DNAH7: variants seen among roughly 807,000 people sequenced by gnomAD.
The protein encoded by DNAH7 is dynein axonemal heavy chain 7.
DNAH7 carries 397 observed loss-of-function variants against 444.6 expected under a neutral mutation model. That is an observed-to-expected ratio of 0.89 (90% CI 0.82 to 0.97). The LOEUF (loss-of-function observed/expected upper bound fraction) is 0.97, where lower values mean the gene tolerates loss of function less well. Ranked by LOEUF, DNAH7 falls within the 50% of genes least tolerant of loss-of-function variation. The pLI is 0.00. For synonymous variants in DNAH7, 1,636 were observed against 1,624.4 expected, an observed-to-expected ratio of 1.01 and a Z score of -0.17; for missense variants, 4,902 against 4,800.8, an observed-to-expected ratio of 1.02 and a Z score of -0.62.
intron 58 of DNAH7, among the ~76,000 whole-genome samples, chr2:195,786,050 T>TA (rs1238231778): frequency 6.6e-6 from 1 of 152,168 alleles, no homozygotes; most frequent in Non-Finnish European, 1.5e-5. Context: ...TTCTATAGAA[T>TA]AAGAATTTGT....
In DNAH7 at chr2:196,025,075, C is replaced by A. The variant is rs147301267; in HGVS notation, c.668-571G>T. The stretch of plus-strand genomic sequence containing the variant: ...AAATCTGGAGATGATTTAAAGTATA[C>A]GGGAGGATGTACATAGGTTATATGC... On this transcript the variant is annotated intron_variant, in intron 7 of 64. Transcript: ENST00000312428. Among the ~76,000 whole-genome samples the A allele has an allele frequency of 1.1e-3, 164 of 152,174 alleles. 1 individual carries two copies. The highest frequency in any genetic ancestry group is 3.8e-3 in the African/African-American group (158 of 41,518).
intron 40 of DNAH7, among the ~76,000 whole-genome samples, chr2:195,867,036 G>A (rs753430307): frequency 1.3e-5 from 2 of 152,036 alleles, no homozygotes; most frequent in Admixed American, 6.6e-5. Context: ...ATGTGGAACT[G>A]TAAGTCCAAT....
At chr2:196,023,220 C>T (rs1354924591) in intron 8 of DNAH7, among the ~76,000 whole-genome samples, 1 of 152,068 alleles carries the variant, frequency 6.6e-6, no homozygotes, top group Non-Finnish European at 1.5e-5. Flanking sequence ...CACTCTTCAT[C>T]CTGCTCTCTC....
chr2:195,889,145 G>A (rs949819020), intron 31 of DNAH7, among the ~76,000 whole-genome samples, 164 bp from the exon 32 acceptor site: 12 of 152,072 alleles, frequency 7.9e-5, no homozygotes, highest in Non-Finnish European at 7.4e-5. Context: ...GTGTGTGTGT[G>A]CACAGATGTA....
At chr2:195,945,959 G>A (rs569293942) in intron 19 of DNAH7, among the ~76,000 whole-genome samples, 2 of 152,120 alleles carry the variant, frequency 1.3e-5, no homozygotes, top group Admixed American at 6.6e-5. Context: ...TCTCAAGAAG[G>A]GGGGCCCAAG....
At position 196,012,904 on chromosome 2, in the gene DNAH7, T is replaced by C; in HGVS notation, c.872A>G (p.Lys291Arg). 1 of 1,482,184 alleles carries C rather than the reference T, an allele frequency of 6.7e-7. No homozygotes were observed. The highest frequency in any genetic ancestry group is 1.5e-5 in the South Asian group (1 of 68,692). 91.8% of individuals were successfully genotyped at this position (1,482,184 alleles called of 1,614,324 possible). A position where few individuals can be genotyped will look rare whatever the true frequency, so the allele number is the denominator to read the frequency against. Residue 291 changes from lysine (K) to arginine (R), a missense_variant and splice_region_variant, in exon 10 of 65, where the codon AAA becomes AGA. By Grantham distance (26) the Lys-to-Arg change is conservative. Coordinates refer to ENST00000312428, the MANE Select transcript of DNAH7 (RefSeq NM_018897.3). Reference sequence around the variant, plus strand: ...TTCTTTGATATCAACTAAACGTAATTTTCTGCAAAAGATAAAAATAAACAG... The same window carrying C: ...TTCTTTGATATCAACTAAACGTAATCTTCTGCAAAAGATAAAAATAAACAG... ...VLDLWHTNFK[K>R]LRLVDIKEFH... is the part of the protein sequence containing the mutation.
At chr2:196,055,756 G>T (rs986018830) in intron 2 of DNAH7, among the ~76,000 whole-genome samples, 1 of 152,134 alleles carries the variant, frequency 6.6e-6, no homozygotes, top group African/African-American at 2.4e-5. Flanking sequence ...GAGGTAATTC[G>T]AATGACATCT....
chr2:195,824,212 A>G lies in DNAH7; in HGVS notation c.9291+43T>C, dbSNP rs184648256. The G allele has an allele frequency of 1.1e-4, 162 of 1,539,520 alleles. No homozygotes were observed. In the African/African-American group the frequency reaches 2.1e-3, roughly 20 times the overall value. ...GACTCAGGAGGAATATATAGTCACT[A>G]ATTACAAAATCTGATAAAGAAACAT... On this transcript the variant is annotated intron_variant, in intron 49 of 64. Transcript: ENST00000312428.
chr2:195,936,663 TG>T lies in DNAH7; in HGVS notation c.3207del (p.Arg1070AspfsTer27), dbSNP rs766836526. The T allele has an allele frequency of 6.2e-7, 1 of 1,605,722 alleles. No individual in the cohort carries two copies. Among genetic ancestry groups the T allele is most frequent in the East Asian group, 2.2e-5 (1 of 44,518 alleles). On this transcript the variant is annotated frameshift_variant, in exon 20 of 65. Coordinates refer to ENST00000312428, the MANE Select transcript of DNAH7 (RefSeq NM_018897.3). LOFTEE classifies it high-confidence loss of function. Reference sequence around the variant, plus strand: ...TCATCATTGGACAAAAAAAAGAATCTGGGGAAAAAGAGGCGTTTCTTTTCCA... The same window carrying T: ...TCATCATTGGACAAAAAAAAGAATCTGGGAAAAAGAGGCGTTTCTTTTCCA... ...EYLEKKRLFF[P>X]RFFFLSNDEL... is the part of the protein sequence containing the mutation.
At chr2:195,917,377 GCTCCC>G (rs1285477666) in intron 24 of DNAH7, among the ~76,000 whole-genome samples, 1 of 152,094 alleles carries the variant, frequency 6.6e-6, no homozygotes, top group Non-Finnish European at 1.5e-5. Context: ...CACTGCACAT[GCTCCC>G]CTCCCAAGTG....
Position 195,864,335 on chromosome 2 carries a change from T to C in DNAH7, c.7320A>G (p.Leu2440=). 1 of 1,614,186 alleles carries C rather than the reference T, an allele frequency of 6.2e-7. No individual in the cohort carries two copies. The highest frequency in any genetic ancestry group is 8.5e-7 in the Non-Finnish European group (1 of 1,180,024). Residue 2440 remains leucine (L), a synonymous_variant, in exon 41 of 65, where the codon TTA becomes TTG. Coordinates refer to ENST00000312428, the MANE Select transcript of DNAH7 (RefSeq NM_018897.3). ...KQEICDKMRQ[L]DRQRDKTKQT... is the part of the protein sequence containing the mutation. ...GCTTGGTTTTATCCCGCTGGCGATCTAACTGACGCATCTTATCACATATCT... is the reference window on the plus strand; with the variant it reads ...GCTTGGTTTTATCCCGCTGGCGATCCAACTGACGCATCTTATCACATATCT...
Position 196,038,374 on chromosome 2 carries a change from C to T in DNAH7, c.398+8978G>A, listed in dbSNP as rs1008043081. The stretch of plus-strand genomic sequence containing the variant: ...AATGAGAAAAAGGAGTCAAGCAATA[C>T]TTTATAGAAGAACACCAAATCACAA... On this transcript the variant is annotated intron_variant, in intron 5 of 64. Coordinates refer to ENST00000312428, the MANE Select transcript of DNAH7 (RefSeq NM_018897.3). Among the ~76,000 whole-genome samples, 124 of 151,994 alleles carry T rather than the reference C, an allele frequency of 8.2e-4. 4 individuals are homozygous for T. The highest frequency in any genetic ancestry group is 2.1e-4 in the Non-Finnish European group (14 of 67,958).
At chr2:195,779,631 C>T (rs1037072162) in intron 58 of DNAH7, among the ~76,000 whole-genome samples, 1 of 151,488 alleles carries the variant, frequency 6.6e-6, no homozygotes. Context: ...TTTTTTGAGT[C>T]AGAGTCTTGC....
intron 62 of DNAH7, among the ~76,000 whole-genome samples, chr2:195,755,577 A>T (rs1033944331): frequency 6.6e-6 from 1 of 152,248 alleles, no homozygotes; most frequent in African/African-American, 2.4e-5. Flanking sequence ...AACCATTTTT[A>T]TCCCTGCAGA....
At chr2:195,779,023 T>G (rs2105957004) in intron 58 of DNAH7, among the ~76,000 whole-genome samples, 1 of 152,028 alleles carries the variant, frequency 6.6e-6, no homozygotes, top group Non-Finnish European at 1.5e-5. Context: ...TTTTGTATTT[T>G]TAGTAGAGAC....
At chr2:196,004,948 A>C (rs1349626723) in intron 10 of DNAH7, among the ~76,000 whole-genome samples, 2 of 137,894 alleles carry the variant, frequency 1.5e-5, no homozygotes, top group African/African-American at 5.6e-5. Flanking sequence ...GGGCAACAGC[A>C]TGAGGCCTTG....
chr2:195,749,257 A>G (rs1693628867), intron 63 of DNAH7, among the ~76,000 whole-genome samples: 1 of 152,176 alleles, frequency 6.6e-6, no homozygotes, highest in African/African-American at 2.4e-5. Flanking sequence ...GCCGTCAGAG[A>G]AATGCAAATC....
At chr2:195,793,064 G>A (rs1695965391) in intron 57 of DNAH7, among the ~76,000 whole-genome samples, 1 of 151,744 alleles carries the variant, frequency 6.6e-6, no homozygotes, top group Non-Finnish European at 1.5e-5. Context: ...CGAGTAGCTG[G>A]GACTATAGGT....
At chr2:195,746,699 A>C (rs1217521769) in intron 63 of DNAH7, among the ~76,000 whole-genome samples, 1 of 152,244 alleles carries the variant, frequency 6.6e-6, no homozygotes. Context: ...AACTCACTCA[A>C]AACCACTCAA....
Sources: allele counts gnomAD v4.1 joint callset (sites outside exome capture counted in the v4.1 genomes callset), GRCh38; gene constraint gnomAD v4.1.1; transcripts MANE v1.5; gene names NCBI Gene and HGNC (gene_info 2026-07-23, HGNC 2026-07-21).